The following ZBTB7A variants were observed in gnomAD, a reference collection of about 807,000 sequenced individuals.
ZBTB7A encodes the protein zinc finger and BTB domain-containing protein 7A.
In ZBTB7A, 7 loss-of-function variants were observed where a neutral mutation model predicts 26.7. The observed-to-expected ratio is 0.26, with a 90% CI of 0.15 to 0.49. The LOEUF (loss-of-function observed/expected upper bound fraction) is 0.49. Among genes scored for constraint, ZBTB7A ranks in the 20% least tolerant of loss-of-function variants. The probability of loss-of-function intolerance (pLI) is 0.98; values close to 1 mark genes in which losing one functional copy is unlikely to be tolerated. For synonymous variants in ZBTB7A, 452 were observed against 441.0 expected (o/e 1.02, Z -0.31); for missense variants, 617 against 919.5 (o/e 0.67, Z 4.25).
In ZBTB7A at chr19:4,054,411, G is replaced by A. The variant is rs1265577548; in HGVS notation, c.822C>T (p.Arg274=). Residue 274 remains arginine, a synonymous_variant, in exon 2 of 3, where the codon CGC becomes CGT. Transcript: ENST00000322357. The part of the protein sequence containing the change: ...PAATQNGHYG[R]GGEEEAASLS... ...GCGAGGCGGCCTCCTCCTCTCCGCC[G>A]CGGCCGTAGTGGCCGTTCTGCGTGG... The A allele has an allele frequency of 3.6e-6, 5 of 1,379,350 alleles. No homozygotes were observed. The highest frequency in any genetic ancestry group is 3.2e-5 in the South Asian group (2 of 62,714). 85.4% of individuals were successfully genotyped at this position (1,379,350 alleles called of 1,614,324 possible).
rs751747728 is a variant in ZBTB7A, at chr19:4,048,287, G to A, written c.1263-43C>T. The A allele has an allele frequency of 6.6e-7, 1 of 1,524,458 alleles. No homozygotes were observed. The highest frequency in any genetic ancestry group is 8.7e-7 in the Non-Finnish European group (1 of 1,145,536). 94.4% of individuals were successfully genotyped at this position (1,524,458 alleles called of 1,614,324 possible). A position where few individuals can be genotyped will look rare whatever the true frequency, so the allele number is the denominator to read the frequency against. ...GGCGGGCACGGTCAGTGGGGCCGGGGACCCCCGATCCCCGCCCAGGGACCC... is the reference window on the plus strand; with the variant it reads ...GGCGGGCACGGTCAGTGGGGCCGGGAACCCCCGATCCCCGCCCAGGGACCC... On this transcript the variant is annotated intron_variant, in intron 2 of 2. Transcript: ENST00000322357. The surrounding 1 kb of genome is among the most constrained non-coding windows in gnomAD (Gnocchi z 6.7).
intron 2 of ZBTB7A, 122 bp downstream of exon 2, chr19:4,053,849 G>C: frequency 1.7e-6 from 2 of 1,147,062 alleles, no homozygotes; most frequent in South Asian, 3.0e-5. Context: ...GTGCACGTGC[G>C]TGTATGTGTG....
In ZBTB7A at chr19:4,052,624, G is replaced by A. The variant is rs1391686284; in HGVS notation, c.1262+1347C>T. Among the ~76,000 whole-genome samples, 4 of 151,824 alleles carry A rather than the reference G, an allele frequency of 2.6e-5. No individual in the cohort carries two copies. The highest frequency in any genetic ancestry group is 2.1e-4 in the South Asian group (1 of 4,810). On this transcript the variant is annotated intron_variant, in intron 2 of 2. Coordinates refer to ENST00000322357, the MANE Select transcript of ZBTB7A (RefSeq NM_015898.4). The surrounding 1 kb of genome is among the most constrained non-coding windows in gnomAD (Gnocchi z 4.9). ...TGGCTGGGGGAACCCCAGGGCGGGC[G>A]GGGGGCAGGGGGTGGTGCTGAGTCA...
chr19:4,050,234 A>T (rs1037103023), intron 2 of ZBTB7A, among the ~76,000 whole-genome samples: 1 of 149,016 alleles, frequency 6.7e-6, no homozygotes, highest in South Asian at 2.1e-4. Context: ...TGATTTTTGT[A>T]TTTTTAATGG....
Position 4,048,021 on chromosome 19 carries a change from G to T in ZBTB7A, c.1486C>A (p.Arg496Ser). ...KKDGCNGVPS[R>S]RGRKPRVRGG... is the part of the protein sequence containing the mutation. Reference sequence around the variant, plus strand: ...CGGACGCGGGGCTTGCGGCCGCGGCGCGAGGGGACGCCGTTGCAGCCGTCT... The same window carrying T: ...CGGACGCGGGGCTTGCGGCCGCGGCTCGAGGGGACGCCGTTGCAGCCGTCT... The change falls in exon 3 of 3, where the codon CGC becomes AGC. Residue 496 changes from arginine (R) to serine (S), a missense_variant. Around this residue, in one of 5 missense-constraint regions of ZBTB7A, gnomAD observed 27 missense variants for 38.7 expected, o/e 0.70. Coordinates refer to ENST00000322357, the MANE Select transcript of ZBTB7A (RefSeq NM_015898.4). The surrounding 1 kb of genome is among the most constrained non-coding windows in gnomAD (Gnocchi z 6.7). The T allele has an allele frequency of 6.7e-7, 1 of 1,495,950 alleles. No individual in the cohort carries two copies. Among genetic ancestry groups the T allele is most frequent in the Non-Finnish European group, 8.9e-7 (1 of 1,118,998 alleles). 92.7% of individuals were successfully genotyped at this position (1,495,950 alleles called of 1,614,324 possible).
chr19:4,060,789 T>C (rs1228221785), intron 1 of ZBTB7A, among the ~76,000 whole-genome samples: 1 of 152,090 alleles, frequency 6.6e-6, no homozygotes, highest in Non-Finnish European at 1.5e-5. Flanking sequence ...AGGTGAGGGC[T>C]GGGCAGGTAA....
chr19:4,044,159 C>T lies in ZBTB7A; in HGVS notation c.*3593G>A, dbSNP rs116790525. Reference sequence around the variant, plus strand: ...CCCCCACCTTCCCTGCAGCCGCCCACTTCCAGGGGAAGACCCTGGAAGAGG... The same window carrying T: ...CCCCCACCTTCCCTGCAGCCGCCCATTTCCAGGGGAAGACCCTGGAAGAGG... On this transcript the variant is annotated 3_prime_UTR_variant, in exon 3 of 3. Coordinates refer to ENST00000322357, the MANE Select transcript of ZBTB7A (RefSeq NM_015898.4). 0.026 allele frequency among the ~76,000 whole-genome samples: 3,890 copies of T among 151,902 alleles called. 55 individuals carry two copies. Among genetic ancestry groups the T allele is most frequent in the Middle Eastern group, 0.085 (25 of 294 alleles).
Position 4,055,242 on chromosome 19 carries a change from C to T in ZBTB7A, c.-10G>A. On this transcript the variant is annotated 5_prime_UTR_variant, in exon 2 of 3. Coordinates refer to ENST00000322357, the MANE Select transcript of ZBTB7A (RefSeq NM_015898.4). ...CCACGCCGCCGGCCATCTTCCGCGCCGAGACCTGCAGCAGTGGGGAAGGAG... is the reference window on the plus strand; with the variant it reads ...CCACGCCGCCGGCCATCTTCCGCGCTGAGACCTGCAGCAGTGGGGAAGGAG... 1.4e-6 allele frequency: 2 copies of T among 1,480,064 alleles called. No homozygotes were observed. The highest frequency in any genetic ancestry group is 1.8e-6 in the Non-Finnish European group (2 of 1,115,714). The allele number at this position is 1,480,064 out of a possible 1,614,324, so 91.7% of individuals were successfully genotyped here. A position where few individuals can be genotyped will look rare whatever the true frequency, so the allele number is the denominator to read the frequency against.
chr19:4,047,122 G>C lies in ZBTB7A; in HGVS notation c.*630C>G, dbSNP rs1265165523. ...GCCAGGAGACGTGGGGTGGGCGACG[G>C]GGGGAGGCCGCAGGCAGGGTTGGAG... On this transcript the variant is annotated 3_prime_UTR_variant, in exon 3 of 3. Coordinates refer to ENST00000322357, the MANE Select transcript of ZBTB7A (RefSeq NM_015898.4). 1.3e-5 allele frequency: 2 copies of C among 152,200 alleles called. No individual in the cohort carries two copies. Among genetic ancestry groups the C allele is most frequent in the African/African-American group, 4.8e-5 (2 of 41,406 alleles). The allele number at this position is 152,200 out of a possible 1,614,324, so 9.4% of individuals were successfully genotyped here. A position where few individuals can be genotyped will look rare whatever the true frequency, so the allele number is the denominator to read the frequency against.
At position 4,047,536 on chromosome 19, in the gene ZBTB7A, A is replaced by T. The variant is rs771462132; in HGVS notation, c.*216T>A. On this transcript the variant is annotated 3_prime_UTR_variant, in exon 3 of 3. Transcript: ENST00000322357. ...CCAGGGAGGGCCGGGGCCCCTGCGGAGGGAGAAAAACGTCAGAAAGGAGGG... is the reference window on the plus strand; with the variant it reads ...CCAGGGAGGGCCGGGGCCCCTGCGGTGGGAGAAAAACGTCAGAAAGGAGGG... The T allele has an allele frequency of 8.8e-6, 3 of 340,830 alleles. No individual in the cohort carries two copies. Among genetic ancestry groups the T allele is most frequent in the Non-Finnish European group, 9.5e-6 (2 of 210,614 alleles). 21.1% of individuals were successfully genotyped at this position (340,830 alleles called of 1,614,324 possible). A position where few individuals can be genotyped will look rare whatever the true frequency, so the allele number is the denominator to read the frequency against.
At chr19:4,059,386 G>A (rs2040616787) in intron 1 of ZBTB7A, among the ~76,000 whole-genome samples, 1 of 152,122 alleles carries the variant, frequency 6.6e-6, no homozygotes, top group Admixed American at 6.5e-5. Flanking sequence ...GGGTCCGGGG[G>A]TCCCAGTCTC....
Position 4,052,258 on chromosome 19 carries a change from T to A in ZBTB7A, c.1262+1713A>T, listed in dbSNP as rs1193564322. Among the ~76,000 whole-genome samples, 2 of 152,098 alleles carry A rather than the reference T, an allele frequency of 1.3e-5. No individual in the cohort carries two copies. The highest frequency in any genetic ancestry group is 6.5e-5 in the Admixed American group (1 of 15,272). ...ACCACCTTCGCTCAGCCTGGTCCCC[T>A]CTGCAGACCCCAGTTCTCTGCACCC... is the stretch of plus-strand genomic sequence containing the variant. On this transcript the variant is annotated intron_variant, in intron 2 of 2. Coordinates refer to ENST00000322357, the MANE Select transcript of ZBTB7A (RefSeq NM_015898.4). The surrounding 1 kb of genome is among the most constrained non-coding windows in gnomAD (Gnocchi z 4.9).
rs1315053316 is a variant in ZBTB7A, at chr19:4,044,853, C to T, written c.*2899G>A. On this transcript the variant is annotated 3_prime_UTR_variant, in exon 3 of 3. Coordinates refer to ENST00000322357, the MANE Select transcript of ZBTB7A (RefSeq NM_015898.4). ...TTTTGTTTGTTTGTTTCCTGAAACGCGAGAATTCAGCAGGTATCTTTGGCA... is the reference window on the plus strand; with the variant it reads ...TTTTGTTTGTTTGTTTCCTGAAACGTGAGAATTCAGCAGGTATCTTTGGCA... 1.3e-5 allele frequency: 2 copies of T among 151,734 alleles called. No individual in the cohort carries two copies. The highest frequency in any genetic ancestry group is 2.9e-5 in the Non-Finnish European group (2 of 67,956). 9.4% of individuals were successfully genotyped at this position (151,734 alleles called of 1,614,324 possible).
At chr19:4,065,060 G>T (rs2040678325) in intron 1 of ZBTB7A, among the ~76,000 whole-genome samples, 1 of 151,686 alleles carries the variant, frequency 6.6e-6, no homozygotes, top group Non-Finnish European at 1.5e-5. Flanking sequence ...TGGGTCTCCC[G>T]CCCGGGAGGT....
rs749395748 is a variant in ZBTB7A at position 4,054,714 on chromosome 19, G to A, written c.519C>T (p.Pro173=). 6.4e-7 allele frequency: 1 copy of A among 1,574,328 alleles called. No homozygotes were observed. The highest frequency in any genetic ancestry group is 8.6e-7 in the Non-Finnish European group (1 of 1,160,056). The stretch of plus-strand genomic sequence containing the variant: ...TGGCAGCGGCGGCGGCGGCCGCGGG[G>A]GGCAGGCTGTTCATGGGGTTGCTCT... The part of the protein sequence containing the change: ...FFQSNPMNSL[P]PAAAAAAASF... Residue 173 remains proline (P), a synonymous_variant, in exon 2 of 3, where the codon CCC becomes CCT. Coordinates refer to ENST00000322357, the MANE Select transcript of ZBTB7A (RefSeq NM_015898.4).
At position 4,055,107 on chromosome 19, in the gene ZBTB7A, G is replaced by A; in HGVS notation, c.126C>T (p.Gly42=). The A allele has an allele frequency of 6.2e-7, 1 of 1,609,516 alleles. No homozygotes were observed. The highest frequency in any genetic ancestry group is 8.5e-7 in the Non-Finnish European group (1 of 1,179,706). Residue 42 remains glycine, a synonymous_variant, in exon 2 of 3, where the codon GGC becomes GGT. Coordinates refer to ENST00000322357, the MANE Select transcript of ZBTB7A (RefSeq NM_015898.4). ...CCGAGCGGTGCGTGGGGAACTCGCG[G>A]CCCTCCACCAGGATCACCACGTCGC... ...LLCDVVILVE[G]REFPTHRSVL...
intron 1 of ZBTB7A, among the ~76,000 whole-genome samples, chr19:4,066,074 C>T (rs1183571036): frequency 6.6e-6 from 1 of 150,656 alleles, no homozygotes; most frequent in Admixed American, 6.6e-5. Context: ...CGCTTGCCAC[C>T]TGCCGGCTGC....
chr19:4,049,170 A>G (rs929230476), intron 2 of ZBTB7A, among the ~76,000 whole-genome samples: 3,705 of 14,324 alleles, frequency 0.26, 287 homozygotes, highest in Non-Finnish European at 0.29. Context: ...GTGTGTGTGT[A>G]TATATATATA....
chr19:4,046,327 C>A lies in ZBTB7A; in HGVS notation c.*1425G>T. On this transcript the variant is annotated 3_prime_UTR_variant, in exon 3 of 3. Coordinates refer to ENST00000322357, the MANE Select transcript of ZBTB7A (RefSeq NM_015898.4). ...GCTTTTTGGGGAACAGAAGTGGATT[C>A]TACGTTTGTGGTGGGTTTTTTTTTT... 3.0e-6 allele frequency: 1 copy of A among 335,542 alleles called. No homozygotes were observed. Among genetic ancestry groups the A allele is most frequent in the Non-Finnish European group, 5.3e-6 (1 of 187,256 alleles). 20.8% of individuals were successfully genotyped at this position (335,542 alleles called of 1,614,324 possible). A position where few individuals can be genotyped will look rare whatever the true frequency, so the allele number is the denominator to read the frequency against.
Sources: allele counts gnomAD v4.1 joint callset (sites outside exome capture counted in the v4.1 genomes callset), GRCh38; gene constraint gnomAD v4.1.1; regional missense constraint gnomAD v4.1.1; non-coding constraint Gnocchi (gnomAD v3.1); transcripts MANE v1.5; gene names NCBI Gene and HGNC (gene_info 2026-07-23, HGNC 2026-07-21).